SUGCT: variants seen among roughly 807,000 people sequenced by gnomAD.
SUGCT encodes succinyl-CoA:glutarate CoA-transferase.
A neutral mutation model predicts 55.0 loss-of-function variants in SUGCT; 41 were observed. The ratio of observed to expected loss-of-function variants is 0.74; its 90% CI spans 0.58 to 0.97. SUGCT has a LOEUF of 0.97. Among genes scored for constraint, SUGCT ranks in the 50% least tolerant of loss-of-function variants. The probability of loss-of-function intolerance (pLI) is 0.00; values close to 1 mark genes in which losing one functional copy is unlikely to be tolerated. For missense variants in SUGCT, 568 were observed against 547.8 expected (o/e 1.04, Z -0.37); for synonymous variants, 187 against 200.4 (o/e 0.93, Z 0.56).
intron 12 of SUGCT, among the ~76,000 whole-genome samples, chr7:40,610,171 C>T (rs1798707685): frequency 6.6e-6 from 1 of 152,182 alleles, no homozygotes. Context: ...AGGGCAGCAG[C>T]CATTGCTCTG....
At chr7:40,958,913 G>A in the SUGCT span, among the ~76,000 whole-genome samples, 1 of 152,306 alleles carries the variant, frequency 6.6e-6, no homozygotes, top group South Asian at 2.1e-4. Flanking sequence ...CCTTCTAACA[G>A]TCAGGCCCCT....
At chr7:40,739,635 A>T (rs1787362738) in intron 12 of SUGCT, among the ~76,000 whole-genome samples, 1 of 152,052 alleles carries the variant, frequency 6.6e-6, no homozygotes, top group Non-Finnish European at 1.5e-5. Flanking sequence ...TCCAGTACAC[A>T]TGTTTCAGTG....
At chr7:40,407,055 A>G (rs978704774) in intron 9 of SUGCT, among the ~76,000 whole-genome samples, 3 of 152,150 alleles carry the variant, frequency 2.0e-5, no homozygotes, top group Admixed American at 1.3e-4. Context: ...TTTTTGTCAA[A>G]AAAGATAAAA....
chr7:40,255,919 T>A (rs1790784946), intron 7 of SUGCT, among the ~76,000 whole-genome samples: 2 of 152,052 alleles, frequency 1.3e-5, no homozygotes, highest in South Asian at 4.2e-4. Flanking sequence ...GCTCACCTGA[T>A]ATTTGGTCCT....
At chr7:40,643,651 T>G (rs1423587376) in intron 12 of SUGCT, among the ~76,000 whole-genome samples, 3 of 152,238 alleles carry the variant, frequency 2.0e-5, no homozygotes, top group Admixed American at 6.5e-5. Context: ...ATTTGAATTT[T>G]TCTTCTCTAA....
chr7:40,901,519 G>A, the SUGCT span, among the ~76,000 whole-genome samples: 1 of 149,778 alleles, frequency 6.7e-6, no homozygotes. Flanking sequence ...CCAATAAGAA[G>A]GTCATCCCCA....
intron 12 of SUGCT, among the ~76,000 whole-genome samples, chr7:40,732,550 G>C (rs1425627051): frequency 6.6e-6 from 1 of 152,160 alleles, no homozygotes; most frequent in Admixed American, 6.5e-5. Context: ...TTCAAGGAAA[G>C]TCTTTATTGT....
At chr7:40,328,275 G>A (rs1202320628) in intron 9 of SUGCT, among the ~76,000 whole-genome samples, 1 of 152,110 alleles carries the variant, frequency 6.6e-6, no homozygotes, top group African/African-American at 2.4e-5. Context: ...TCCTTTGGTC[G>A]CATATGCTAA....
chr7:40,410,324 T>A (rs1049459135), intron 9 of SUGCT, among the ~76,000 whole-genome samples: 3 of 152,150 alleles, frequency 2.0e-5, no homozygotes, highest in African/African-American at 7.2e-5. Flanking sequence ...TTTGTTTATT[T>A]GATATTACTT....
At chr7:40,997,885 G>C in the SUGCT span, among the ~76,000 whole-genome samples, 1 of 152,016 alleles carries the variant, frequency 6.6e-6, no homozygotes, top group South Asian at 2.1e-4. Context: ...TTCATTTCCT[G>C]TCTTGACAAT....
intron 8 of SUGCT, among the ~76,000 whole-genome samples, chr7:40,282,960 G>A (rs1793068469): frequency 6.6e-6 from 1 of 151,910 alleles, no homozygotes; most frequent in South Asian, 2.1e-4. Context: ...ATAGCTTCTT[G>A]ACTTTTTTTT....
intron 9 of SUGCT, among the ~76,000 whole-genome samples, chr7:40,395,397 G>A (rs952147792): frequency 7.6e-5 from 11 of 145,098 alleles, no homozygotes; most frequent in Admixed American, 6.6e-4. Flanking sequence ...GCTGAGGCAC[G>A]AGAATCACTT....
the SUGCT span, among the ~76,000 whole-genome samples, chr7:40,978,984 T>C: frequency 0.011 from 1,631 of 152,328 alleles, 26 homozygotes; most frequent in African/African-American, 0.036. Flanking sequence ...CTAGTTGCTG[T>C]AATTTCCTTT....
At chr7:40,755,542 C>G (rs768757577) in intron 13 of SUGCT, among the ~76,000 whole-genome samples, 1 of 152,198 alleles carries the variant, frequency 6.6e-6, no homozygotes, top group Non-Finnish European at 1.5e-5. Context: ...CTATTTGCAT[C>G]TTCTTGCAAT....
At chr7:40,349,096 G>A (rs10261478) in intron 9 of SUGCT, among the ~76,000 whole-genome samples, 35,156 of 151,996 alleles carry the variant, frequency 0.23, 5,291 homozygotes, top group Non-Finnish European at 0.34. Flanking sequence ...GAGTTCTCAC[G>A]TATATTGGCT....
At chr7:41,031,730 C>G in the SUGCT span, among the ~76,000 whole-genome samples, 127 of 152,288 alleles carry the variant, frequency 8.3e-4, no homozygotes, top group Middle Eastern at 3.4e-3. Flanking sequence ...CCTAGAATGA[C>G]CCACCCACTC....
chr7:40,600,110 A>C (rs1584100602), intron 12 of SUGCT, among the ~76,000 whole-genome samples: 1 of 152,174 alleles, frequency 6.6e-6, no homozygotes, highest in African/African-American at 2.4e-5. Context: ...AGTTGAAAGC[A>C]GTCTGTTCTG....
At chr7:40,332,853 C>T (rs745515775) in intron 9 of SUGCT, among the ~76,000 whole-genome samples, 22 of 152,036 alleles carry the variant, frequency 1.4e-4, no homozygotes, top group Non-Finnish European at 1.9e-4. Context: ...TGACACAGAC[C>T]TTGCTAGGGT....
intron 12 of SUGCT, among the ~76,000 whole-genome samples, chr7:40,569,707 A>T (rs894923161): frequency 1.4e-5 from 2 of 147,334 alleles, no homozygotes; most frequent in Non-Finnish European, 3.0e-5. Context: ...GAAGGATTAT[A>T]AAAAAAAAAC....
Sources: gnomAD v4.1 joint callset for allele counts (sites outside exome capture counted in the v4.1 genomes callset) on GRCh38, gnomAD v4.1.1 for gene constraint, MANE v1.5 for transcripts, NCBI Gene and HGNC (gene_info 2026-07-23, HGNC 2026-07-21) for gene names.